Variants in WNT7B observed in about 807,000 individuals in gnomAD.
WNT7B encodes Wnt family member 7B.
In WNT7B, 19 loss-of-function variants were observed where a neutral mutation model predicts 38.2. The observed-to-expected ratio is 0.50, with a 90% CI of 0.35 to 0.73. WNT7B has a LOEUF of 0.73. Among genes scored for constraint, WNT7B ranks in the 30% least tolerant of loss-of-function variants. The probability of loss-of-function intolerance (pLI) is 0.01; values close to 1 mark genes in which losing one functional copy is unlikely to be tolerated. For synonymous variants in WNT7B, 243 were observed against 209.3 expected, an observed-to-expected ratio of 1.16 and a Z score of -1.39; for missense variants, 423 against 507.9, an observed-to-expected ratio of 0.83 and a Z score of 1.61.
intron 2 of WNT7B, among the ~76,000 whole-genome samples, chr22:45,932,203 G>A (rs929367653): frequency 6.6e-6 from 1 of 152,158 alleles, no homozygotes; most frequent in African/African-American, 2.4e-5. Flanking sequence ...GCTGAGCTGG[G>A]AGGGGAGGGT....
chr22:45,958,693 G>T (rs1272770033), intron 1 of WNT7B, among the ~76,000 whole-genome samples: 1 of 152,192 alleles, frequency 6.6e-6, no homozygotes, highest in Admixed American at 6.5e-5. Context: ...AGCACGGCTG[G>T]AACCCACCCC....
At position 45,976,531 on chromosome 22, in the gene WNT7B, G is replaced by T. The variant is rs1051302675; in HGVS notation, c.71+153C>A. On this transcript the variant is annotated intron_variant, in intron 1 of 3. Transcript: ENST00000339464. This position sits in a 1 kb window ranked among gnomAD's most constrained non-coding sequence, Gnocchi z 8.5. ...GGGGTTGGGCTGCGTCTCTGCTGGCGTGGGGCGAGGGTCTGACACACGGGC... is the reference window on the plus strand; with the variant it reads ...GGGGTTGGGCTGCGTCTCTGCTGGCTTGGGGCGAGGGTCTGACACACGGGC... Among the ~76,000 whole-genome samples, 1 of 151,812 alleles carries T rather than the reference G, an allele frequency of 6.6e-6. No individual in the cohort carries two copies. Among genetic ancestry groups the T allele is most frequent in the Non-Finnish European group, 1.5e-5 (1 of 67,918 alleles).
At chr22:45,935,205 G>A (rs969999020) in intron 2 of WNT7B, among the ~76,000 whole-genome samples, 1 of 152,190 alleles carries the variant, frequency 6.6e-6, no homozygotes, top group Non-Finnish European at 1.5e-5. Flanking sequence ...AGACTTAGAA[G>A]CCGGTCCTCT....
intron 3 of WNT7B, 111 bp downstream of exon 3, chr22:45,930,987 C>A (rs1931330319): frequency 2.8e-6 from 4 of 1,412,282 alleles, no homozygotes; most frequent in Non-Finnish European, 2.8e-6. Flanking sequence ...CCCCTGCACA[C>A]CTACGGAGAC....
At chr22:45,948,323 A>T (rs1931845467) in intron 2 of WNT7B, among the ~76,000 whole-genome samples, 1 of 152,090 alleles carries the variant, frequency 6.6e-6, no homozygotes, top group South Asian at 2.1e-4. Flanking sequence ...GAGGGAGGGA[A>T]CTGCACTTGG....
At chr22:45,943,192 C>T (rs531786247) in intron 2 of WNT7B, among the ~76,000 whole-genome samples, 2 of 152,328 alleles carry the variant, frequency 1.3e-5, no homozygotes, top group South Asian at 2.1e-4. Context: ...CCCTCTGGGT[C>T]CCTTGGTCCC....
chr22:45,949,664 G>A (rs1358557402), intron 2 of WNT7B, among the ~76,000 whole-genome samples: 2 of 152,234 alleles, frequency 1.3e-5, no homozygotes, highest in African/African-American at 4.8e-5. Context: ...GCCACGTCAC[G>A]ACGATGTCCT....
chr22:45,932,108 C>G (rs973234816), intron 2 of WNT7B, among the ~76,000 whole-genome samples: 1 of 152,196 alleles, frequency 6.6e-6, no homozygotes, highest in Non-Finnish European at 1.5e-5. Context: ...CCCCAGCCAC[C>G]AGCTGGTTCC....
chr22:45,945,586 T>C (rs1263819325), intron 2 of WNT7B, among the ~76,000 whole-genome samples: 1 of 152,212 alleles, frequency 6.6e-6, no homozygotes, highest in Non-Finnish European at 1.5e-5. Flanking sequence ...AGAGGTGGCT[T>C]GGGGTCACCA....
At position 45,966,505 on chromosome 22, in the gene WNT7B, G is replaced by A. The variant is rs984579906; in HGVS notation, c.71+10179C>T. ...CCAGAAAGCGATAGAGGCCTGCAGG[G>A]GTCATGGGATAGGACTCCAGGGGAT... is the stretch of plus-strand genomic sequence containing the variant. On this transcript the variant is annotated intron_variant, in intron 1 of 3. Transcript: ENST00000339464. This position sits in a 1 kb window ranked among gnomAD's most constrained non-coding sequence, Gnocchi z 4.2. Among the ~76,000 whole-genome samples, 3 of 152,206 alleles carry A rather than the reference G, an allele frequency of 2.0e-5. No homozygotes were observed. The highest frequency in any genetic ancestry group is 1.3e-4 in the Admixed American group (2 of 15,288).
At chr22:45,945,960 C>A (rs1931784200) in intron 2 of WNT7B, among the ~76,000 whole-genome samples, 1 of 152,242 alleles carries the variant, frequency 6.6e-6, no homozygotes, top group Non-Finnish European at 1.5e-5. Context: ...ACATGATGGG[C>A]AGGACTCAGC....
chr22:45,928,086 T>TG (rs2146707181), intron 3 of WNT7B, among the ~76,000 whole-genome samples: 1 of 152,262 alleles, frequency 6.6e-6, no homozygotes, highest in South Asian at 2.1e-4. Flanking sequence ...ATTTTGGACT[T>TG]GGGGCCCCAG....
chr22:45,972,343 C>T, intron 1 of WNT7B: 1 of 395,586 alleles, frequency 2.5e-6, no homozygotes, highest in East Asian at 4.1e-5. Context: ...GGCGGCGGCG[C>T]TGGGCGCTAG....
At chr22:45,948,443 C>T (rs1447134565) in intron 2 of WNT7B, among the ~76,000 whole-genome samples, 2 of 152,358 alleles carry the variant, frequency 1.3e-5, no homozygotes, top group South Asian at 2.1e-4. Flanking sequence ...CTGCGCCACC[C>T]CCAGCCCCAC....
Position 45,931,155 on chromosome 22 carries a change from C to T in WNT7B, c.513G>A (p.Glu171=). Residue 171 remains glutamate (E), a synonymous_variant, in exon 3 of 4, where the codon GAG becomes GAA. Coordinates refer to ENST00000339464, the MANE Select transcript of WNT7B (RefSeq NM_058238.3). ...DFSRRFVDAR[E]IKKNARRLMN... ...TGAGGCGCCGCGCGTTCTTCTTGAT[C>T]TCCCGAGCGTCCACGAAGCGCCGGG... The T allele has an allele frequency of 6.3e-7, 1 of 1,597,036 alleles. No homozygotes were observed. The highest frequency in any genetic ancestry group is 8.5e-7 in the Non-Finnish European group (1 of 1,177,282).
chr22:45,963,501 C>T (rs150595343), intron 1 of WNT7B, among the ~76,000 whole-genome samples: 225 of 152,290 alleles, frequency 1.5e-3, no homozygotes, highest in Non-Finnish European at 2.5e-3. Context: ...CTGCCTTCCC[C>T]ACGGCGAGCC....
chr22:45,925,024 G>T (rs1333219925), intron 3 of WNT7B: 1 of 969,620 alleles, frequency 1.0e-6, no homozygotes. Flanking sequence ...GGCAGGTGCT[G>T]GGTGGGTCCA....
rs548448368 is a variant in WNT7B, at chr22:45,975,035, G to A, written c.71+1649C>T. The stretch of plus-strand genomic sequence containing the variant: ...TTCCGATGACTGAGGCAGAAGAATG[G>A]ACGCTAGGAACAGCAGCCCACAGTG... On this transcript the variant is annotated intron_variant, in intron 1 of 3. Coordinates refer to ENST00000339464, the MANE Select transcript of WNT7B (RefSeq NM_058238.3). The surrounding 1 kb of genome is among the most constrained non-coding windows in gnomAD (Gnocchi z 6.6). 7.2e-5 allele frequency among the ~76,000 whole-genome samples: 11 copies of A among 152,284 alleles called. No individual in the cohort carries two copies. Among genetic ancestry groups the A allele is most frequent in the African/African-American group, 2.6e-4 (11 of 41,546 alleles).
At chr22:45,936,889 G>C (rs1931526557) in intron 2 of WNT7B, among the ~76,000 whole-genome samples, 1 of 152,216 alleles carries the variant, frequency 6.6e-6, no homozygotes, top group African/African-American at 2.4e-5. Context: ...TCAGGGCAAA[G>C]CTGGGGGCTG....
Sources: allele counts gnomAD v4.1 joint callset (sites outside exome capture counted in the v4.1 genomes callset), GRCh38; gene constraint gnomAD v4.1.1; non-coding constraint Gnocchi (gnomAD v3.1); transcripts MANE v1.5; gene names NCBI Gene and HGNC (gene_info 2026-07-23, HGNC 2026-07-21).